The following TBCK variants were observed in gnomAD, a reference collection of about 807,000 sequenced individuals.
The protein encoded by TBCK is TBC domain-containing protein kinase-like protein.
TBCK carries 99 observed loss-of-function variants against 113.4 expected under a neutral mutation model. The observed-to-expected ratio is 0.87, with a 90% CI of 0.74 to 1.03. The LOEUF (loss-of-function observed/expected upper bound fraction) is 1.03, where lower values mean the gene tolerates loss of function less well. TBCK is among the 50% of genes least tolerant of loss of function. The pLI is 0.00. For missense variants in TBCK, 1,045 were observed against 1,061.3 expected (o/e 0.98, Z 0.21); for synonymous variants, 369 against 370.8 (o/e 1.00, Z 0.05).
At chr4:106,276,365 T>C (rs1281741953) in intron 3 of TBCK, among the ~76,000 whole-genome samples, 1 of 152,146 alleles carries the variant, frequency 6.6e-6, no homozygotes, top group Non-Finnish European at 1.5e-5. Flanking sequence ...AAACAGGATA[T>C]AAAAAGCAGT....
intron 19 of TBCK, among the ~76,000 whole-genome samples, chr4:106,225,039 A>G (rs1758086897): frequency 6.6e-6 from 1 of 152,218 alleles, no homozygotes; most frequent in East Asian, 1.9e-4. Context: ...CATAGTATGA[A>G]GTCCTTTGGG....
chr4:106,157,600 C>G lies in TBCK; in HGVS notation c.2235+13495G>C, dbSNP rs181703647. Among the ~76,000 whole-genome samples the G allele has an allele frequency of 9.6e-4, 146 of 152,226 alleles. 1 individual carries two copies. Among genetic ancestry groups the G allele is most frequent in the African/African-American group, 3.5e-3 (144 of 41,542 alleles). ...AGGGTGGGCATTAGCTAAGTGCAGC[C>G]TGGTTTTGCATTCTGCTGTAACAGG... On this transcript the variant is annotated intron_variant, in intron 23 of 25. Coordinates refer to ENST00000394708, the MANE Select transcript of TBCK (RefSeq NM_001163435.3).
At chr4:106,099,586 A>G (rs1051235387) in intron 24 of TBCK, among the ~76,000 whole-genome samples, 1 of 152,140 alleles carries the variant, frequency 6.6e-6, no homozygotes, top group Non-Finnish European at 1.5e-5. Flanking sequence ...AGATATCATG[A>G]TTTTCTTTGC....
At chr4:106,129,615 C>CA (rs200760584) in intron 23 of TBCK, among the ~76,000 whole-genome samples, 14 of 149,090 alleles carry the variant, frequency 9.4e-5, no homozygotes, top group Middle Eastern at 3.4e-3. Flanking sequence ...CCTGCTTTGT[C>CA]AAAAAAAAGG....
intron 3 of TBCK, among the ~76,000 whole-genome samples, chr4:106,262,541 G>A (rs1415109101): frequency 6.6e-6 from 1 of 151,958 alleles, no homozygotes; most frequent in Non-Finnish European, 1.5e-5. Context: ...CAAATTATCA[G>A]GTTAAGTTTC....
intron 23 of TBCK, among the ~76,000 whole-genome samples, chr4:106,130,275 T>C (rs1168504795): frequency 6.6e-6 from 1 of 152,172 alleles, no homozygotes; most frequent in Non-Finnish European, 1.5e-5. Context: ...TCTAGAAATT[T>C]CTTAGAAATT....
At chr4:106,073,352 C>A (rs1304356884) in intron 25 of TBCK, among the ~76,000 whole-genome samples, 1 of 152,166 alleles carries the variant, frequency 6.6e-6, no homozygotes. Context: ...TCTAACAGGT[C>A]CCTCAGCTGC....
rs918408551 is a variant in TBCK, at chr4:106,044,203, CTCTCT to C, written c.*2362_*2366del. ...AACTCAAATCACTGCCCCTCCATCC[CTCTCT>C]TCTCTGCTTTCTCAGTAAGGCAGAG... On this transcript the variant is annotated 3_prime_UTR_variant, in exon 26 of 26. Coordinates refer to ENST00000394708, the MANE Select transcript of TBCK (RefSeq NM_001163435.3). 4.4e-4 allele frequency: 67 copies of C among 152,304 alleles called. No individual in the cohort carries two copies. Among genetic ancestry groups the C allele is most frequent in the African/African-American group, 1.5e-3 (62 of 41,580 alleles). 9.4% of individuals were successfully genotyped at this position (152,304 alleles called of 1,614,324 possible).
chr4:106,115,080 G>C (rs1743332834), intron 24 of TBCK, among the ~76,000 whole-genome samples: 1 of 152,130 alleles, frequency 6.6e-6, no homozygotes, highest in Non-Finnish European at 1.5e-5. Flanking sequence ...AGAAACCTAA[G>C]ATTCTATGAA....
intron 3 of TBCK, among the ~76,000 whole-genome samples, chr4:106,286,506 T>A (rs1199389473): frequency 6.6e-6 from 1 of 152,130 alleles, no homozygotes; most frequent in Non-Finnish European, 1.5e-5. Context: ...CCTTATATAA[T>A]ACAATTCAAA....
chr4:106,308,717 T>C lies in TBCK; in HGVS notation c.193+51A>G, dbSNP rs1264307491. 4 of 1,508,570 alleles carry C rather than the reference T, an allele frequency of 2.7e-6. No individual in the cohort carries two copies. In the South Asian group the frequency reaches 5.0e-5, roughly 19 times the overall value. The allele number at this position is 1,508,570 out of a possible 1,614,324, so 93.4% of individuals were successfully genotyped here. ...TTTAGTGGATATAGTATTTATAACT[T>C]AGGGTAACAAAGTAGAGAACATAAA... On this transcript the variant is annotated intron_variant, in intron 2 of 25. Transcript: ENST00000394708.
At chr4:106,108,718 T>C (rs1742478893) in intron 24 of TBCK, among the ~76,000 whole-genome samples, 1 of 152,264 alleles carries the variant, frequency 6.6e-6, no homozygotes, top group Non-Finnish European at 1.5e-5. Flanking sequence ...ATGCCCTCTC[T>C]CACCACTTCT....
At chr4:106,163,176 G>A (rs12647078) in intron 23 of TBCK, 21,511 of 152,142 alleles carry the variant, frequency 0.14, 1,719 homozygotes, top group South Asian at 0.25. Context: ...CTTTACTCCA[G>A]TTCCCAAAAA....
intron 1 of TBCK, chr4:106,310,571 C>T (rs1768091397): frequency 6.6e-6 from 1 of 152,218 alleles, no homozygotes; most frequent in South Asian, 2.1e-4. Flanking sequence ...GAGAACTACA[C>T]TAGTTGCTAT....
chr4:106,189,719 A>G (rs779012850), intron 22 of TBCK, among the ~76,000 whole-genome samples: 21 of 152,196 alleles, frequency 1.4e-4, no homozygotes, highest in Admixed American at 5.2e-4. Flanking sequence ...GTTATTTTAA[A>G]TACTTATTTC....
chr4:106,178,041 CTTT>C (rs965598653), intron 22 of TBCK, among the ~76,000 whole-genome samples: 1 of 151,548 alleles, frequency 6.6e-6, no homozygotes, highest in African/African-American at 2.4e-5. Flanking sequence ...TCTCTCACTT[CTTT>C]TGTTAAATTT....
intron 25 of TBCK, among the ~76,000 whole-genome samples, chr4:106,065,208 T>C (rs186708264): frequency 1.2e-3 from 184 of 152,116 alleles, no homozygotes; most frequent in Non-Finnish European, 2.2e-3. Context: ...GCTCTCCCTA[T>C]TGATCTGAAT....
chr4:106,316,611 C>A, upstream of TBCK: 1 of 1,550,326 alleles, frequency 6.5e-7, no homozygotes, highest in Non-Finnish European at 8.7e-7. Context: ...GACGTCGTGG[C>A]GGGTCACTCA....
chr4:106,247,360 A>G, intron 9 of TBCK, 73 bp from the exon 10 acceptor site: 8 of 1,434,848 alleles, frequency 5.6e-6, no homozygotes, highest in Non-Finnish European at 7.8e-6. Context: ...CATACATTCA[A>G]GAGAATGGAT....
Sources: gnomAD v4.1 joint callset for allele counts (sites outside exome capture counted in the v4.1 genomes callset) on GRCh38, gnomAD v4.1.1 for gene constraint, MANE v1.5 for transcripts, NCBI Gene and HGNC (gene_info 2026-07-23, HGNC 2026-07-21) for gene names.